GRID2: variants seen among roughly 807,000 people sequenced by gnomAD.
GRID2 encodes glutamate ionotropic receptor delta type subunit 2, also known as glutamate receptor ionotropic, delta-2.
In GRID2, 33 loss-of-function variants were observed where a neutral mutation model predicts 114.8. That is an observed-to-expected ratio of 0.29 (90% CI 0.22 to 0.38). The LOEUF (loss-of-function observed/expected upper bound fraction) is 0.38, where lower values mean the gene tolerates loss of function less well. GRID2 is among the 10% of genes least tolerant of loss of function. GRID2 has a pLI of 1.00. For missense variants in GRID2, 1,184 were observed against 1,257.7 expected (o/e 0.94, Z 0.89); for synonymous variants, 505 against 449.9 (o/e 1.12, Z -1.55).
At chr4:92,994,623 C>A in intron 2 of GRID2, among the ~76,000 whole-genome samples, 1 of 152,130 alleles carries the variant, frequency 6.6e-6, no homozygotes, top group East Asian at 1.9e-4. Flanking sequence ...CATGCCCACC[C>A]TATCATTGTT....
chr4:93,357,023 T>A (rs1339191175), intron 8 of GRID2, among the ~76,000 whole-genome samples: 1 of 151,724 alleles, frequency 6.6e-6, no homozygotes, highest in Admixed American at 6.6e-5. Context: ...ATATTTAAAT[T>A]CTTATATGGC....
intron 8 of GRID2, among the ~76,000 whole-genome samples, chr4:93,312,943 A>G (rs1259029024): frequency 1.3e-5 from 2 of 152,194 alleles, no homozygotes; most frequent in Admixed American, 1.3e-4. Context: ...ATGCTCAAAT[A>G]TGGAGTTTCA....
chr4:92,358,600 A>G (rs1728459282), intron 1 of GRID2, among the ~76,000 whole-genome samples: 1 of 151,940 alleles, frequency 6.6e-6, no homozygotes, highest in African/African-American at 2.4e-5. Flanking sequence ...TAACCTAAAT[A>G]AAATTATAAT....
intron 2 of GRID2, among the ~76,000 whole-genome samples, chr4:92,742,436 T>A (rs377261701): frequency 6.6e-6 from 1 of 152,094 alleles, no homozygotes; most frequent in Non-Finnish European, 1.5e-5. Flanking sequence ...TCTTCTTCAT[T>A]TCTGTGTTAT....
chr4:92,714,429 G>A (rs1021439768), intron 2 of GRID2, among the ~76,000 whole-genome samples: 3 of 152,118 alleles, frequency 2.0e-5, no homozygotes, highest in African/African-American at 4.8e-5. Context: ...TACCATTCTG[G>A]GGTCTGGAGA....
At chr4:92,401,149 A>G (rs576932591) in intron 1 of GRID2, among the ~76,000 whole-genome samples, 2 of 152,228 alleles carry the variant, frequency 1.3e-5, no homozygotes, top group East Asian at 3.9e-4. Context: ...TATATATAAG[A>G]AACAATTTGC....
intron 4 of GRID2, among the ~76,000 whole-genome samples, chr4:93,194,672 G>A (rs992252124): frequency 2.6e-5 from 4 of 152,144 alleles, no homozygotes; most frequent in African/African-American, 9.7e-5. Flanking sequence ...TGCTCAACAA[G>A]GCAGAATGGC....
chr4:92,650,671 T>G (rs899984658), intron 2 of GRID2, among the ~76,000 whole-genome samples: 8 of 151,898 alleles, frequency 5.3e-5, no homozygotes, highest in Admixed American at 2.0e-4. Context: ...GCACTCTTCT[T>G]TCTGGAAATG....
chr4:93,034,795 A>G (rs1724767012), intron 2 of GRID2, among the ~76,000 whole-genome samples: 1 of 152,180 alleles, frequency 6.6e-6, no homozygotes, highest in Admixed American at 6.5e-5. Context: ...GAACATAATG[A>G]AAAATGTAAC....
chr4:93,330,530 CAT>C (rs1758311007), intron 8 of GRID2, among the ~76,000 whole-genome samples: 1 of 152,040 alleles, frequency 6.6e-6, no homozygotes, highest in African/African-American at 2.4e-5. Flanking sequence ...TGTTTTAACA[CAT>C]ATTAATTTTT....
chr4:92,484,916 TATTACATGGAAATATGTAATATGGAGG>T (rs966395113), intron 1 of GRID2, among the ~76,000 whole-genome samples: 4 of 152,094 alleles, frequency 2.6e-5, no homozygotes, highest in African/African-American at 9.7e-5. Context: ...ATTTCCTTCA[TATTACATGGAAATATGTAATATGGAGG>T]ATTACATGGA....
chr4:92,457,998 A>G (rs1311183890), intron 1 of GRID2, among the ~76,000 whole-genome samples: 1 of 152,202 alleles, frequency 6.6e-6, no homozygotes, highest in East Asian at 1.9e-4. Context: ...AGAGTTTATG[A>G]CATAAAGGGA....
chr4:92,472,007 C>A (rs1722066763), intron 1 of GRID2, among the ~76,000 whole-genome samples: 1 of 110,002 alleles, frequency 9.1e-6, no homozygotes, highest in African/African-American at 4.0e-5. Context: ...GATCTCGGCT[C>A]ACTGCAAGCT....
intron 2 of GRID2, among the ~76,000 whole-genome samples, chr4:92,661,832 A>G (rs1732535657): frequency 6.6e-6 from 1 of 151,052 alleles, no homozygotes; most frequent in Admixed American, 6.6e-5. Context: ...AAGCATTTTA[A>G]ATAGAGTTAT....
At chr4:93,684,613 G>A (rs1725905402) in intron 14 of GRID2, among the ~76,000 whole-genome samples, 1 of 152,004 alleles carries the variant, frequency 6.6e-6, no homozygotes, top group Non-Finnish European at 1.5e-5. Context: ...GAAGCAGAGT[G>A]GGGCTCAATG....
intron 4 of GRID2, among the ~76,000 whole-genome samples, chr4:93,185,819 C>T (rs1445181891): frequency 6.6e-6 from 1 of 152,104 alleles, no homozygotes; most frequent in Non-Finnish European, 1.5e-5. Flanking sequence ...CATATGTATA[C>T]ATGTGCCGTG....
chr4:92,589,622 T>C (rs1728615356), intron 1 of GRID2, among the ~76,000 whole-genome samples: 1 of 152,196 alleles, frequency 6.6e-6, no homozygotes, highest in Non-Finnish European at 1.5e-5. Flanking sequence ...TTATTGACTT[T>C]ACTATTATAA....
At chr4:93,616,628 A>G (rs2149675760) in intron 13 of GRID2, among the ~76,000 whole-genome samples, 1 of 147,714 alleles carries the variant, frequency 6.8e-6, no homozygotes, top group Admixed American at 6.7e-5. Flanking sequence ...ATAAATATAA[A>G]AAAAAGTTTA....
intron 8 of GRID2, among the ~76,000 whole-genome samples, chr4:93,379,245 A>C (rs1763641974): frequency 6.6e-6 from 1 of 152,136 alleles, no homozygotes; most frequent in Admixed American, 6.6e-5. Flanking sequence ...CAATAAGACA[A>C]GTAATATATT....
Sources: gnomAD v4.1 joint callset for allele counts (sites outside exome capture counted in the v4.1 genomes callset) on GRCh38, gnomAD v4.1.1 for gene constraint, MANE v1.5 for transcripts, NCBI Gene and HGNC (gene_info 2026-07-23, HGNC 2026-07-21) for gene names.